Variants in GMDS observed in about 807,000 individuals in gnomAD.
The protein encoded by GMDS is GDP-mannose 4,6 dehydratase.
GMDS carries 20 observed loss-of-function variants against 49.9 expected under a neutral mutation model. The ratio of observed to expected loss-of-function variants is 0.40; its 90% CI spans 0.28 to 0.58. GMDS has a LOEUF of 0.58. Among genes scored for constraint, GMDS ranks in the 20% least tolerant of loss-of-function variants. The pLI is 0.42. For missense variants in GMDS, 362 were observed against 481.4 expected (o/e 0.75, Z 2.32); for synonymous variants, 177 against 178.6 (o/e 0.99, Z 0.07).
chr6:1,697,541 C>T (rs151274850), intron 9 of GMDS, among the ~76,000 whole-genome samples: 25 of 152,352 alleles, frequency 1.6e-4, no homozygotes, highest in Non-Finnish European at 2.5e-4. Context: ...AACCTTGGCG[C>T]GCTGCAGCCT....
chr6:2,199,094 T>C (rs551964450), intron 1 of GMDS, among the ~76,000 whole-genome samples: 1 of 152,354 alleles, frequency 6.6e-6, no homozygotes, highest in African/African-American at 2.4e-5. Context: ...AATTCCCTAA[T>C]TCATATTAAA....
intron 9 of GMDS, among the ~76,000 whole-genome samples, chr6:1,710,892 A>G (rs1227997307): frequency 1.3e-5 from 2 of 152,202 alleles, no homozygotes; most frequent in African/African-American, 4.8e-5. Context: ...GGGGTTGACT[A>G]CATATCGTCA....
chr6:1,916,665 G>A (rs1483737935), intron 7 of GMDS, among the ~76,000 whole-genome samples: 2 of 152,168 alleles, frequency 1.3e-5, no homozygotes, highest in Admixed American at 1.3e-4. Context: ...CCACTGGACT[G>A]CTAACATTTG....
chr6:2,135,504 T>C (rs535245475), intron 1 of GMDS, among the ~76,000 whole-genome samples: 8 of 151,906 alleles, frequency 5.3e-5, no homozygotes, highest in African/African-American at 1.7e-4. Context: ...CTATGCAACA[T>C]GACAGAGTAA....
chr6:2,097,293 G>C (rs1279207039), intron 4 of GMDS, among the ~76,000 whole-genome samples: 1 of 152,124 alleles, frequency 6.6e-6, no homozygotes, highest in Non-Finnish European at 1.5e-5. Flanking sequence ...TCTTGAGAGA[G>C]AGTAGAACAG....
chr6:1,971,100 A>C (rs1247509000), intron 4 of GMDS, among the ~76,000 whole-genome samples: 1 of 152,086 alleles, frequency 6.6e-6, no homozygotes, highest in Non-Finnish European at 1.5e-5. Flanking sequence ...TGCACCGGCA[A>C]TGTTTGGGGA....
At chr6:1,999,236 C>T (rs1581489775) in intron 4 of GMDS, among the ~76,000 whole-genome samples, 3 of 148,480 alleles carry the variant, frequency 2.0e-5, no homozygotes, top group African/African-American at 5.0e-5. Flanking sequence ...GCAGGAGAAT[C>T]GCTTGAACCA....
chr6:2,088,444 C>G (rs1773133442), intron 4 of GMDS, among the ~76,000 whole-genome samples: 1 of 152,122 alleles, frequency 6.6e-6, no homozygotes, highest in South Asian at 2.1e-4. Context: ...TATAATGAAC[C>G]ACCAGTGAAT....
At chr6:1,643,391 G>A (rs745691509) in intron 9 of GMDS, among the ~76,000 whole-genome samples, 10 of 152,178 alleles carry the variant, frequency 6.6e-5, no homozygotes, top group Non-Finnish European at 1.5e-4. Flanking sequence ...CTGAGCCCCC[G>A]AGGCTCTGTT....
chr6:2,127,935 GAACA>G (rs1230902253), intron 1 of GMDS, among the ~76,000 whole-genome samples: 1 of 152,204 alleles, frequency 6.6e-6, no homozygotes, highest in Non-Finnish European at 1.5e-5. Flanking sequence ...CTGAAACAAG[GAACA>G]AACAGACTAA....
rs914074189 is a variant in GMDS, at chr6:2,011,814, G to A, written c.346-50848C>T. ...GCGCATTACCTATAGTCCTGGCTAC[G>A]TGGGAGGCTGAGATGGGAAAACCCC... On this transcript the variant is annotated intron_variant, in intron 4 of 10. Coordinates refer to ENST00000380815, the MANE Select transcript of GMDS (RefSeq NM_001500.4). 5.3e-5 allele frequency among the ~76,000 whole-genome samples: 8 copies of A among 152,284 alleles called. No homozygotes were observed. The South Asian group carries it at 6.2e-4, about 12-fold the overall frequency.
chr6:2,131,801 CT>C (rs59213948), intron 1 of GMDS, among the ~76,000 whole-genome samples: 9,034 of 142,786 alleles, frequency 0.063, 518 homozygotes, highest in South Asian at 0.18. Context: ...ACTGGTTTTC[CT>C]TTTTTTTTTT....
At chr6:1,715,199 T>C (rs1485119789) in intron 9 of GMDS, among the ~76,000 whole-genome samples, 1 of 152,362 alleles carries the variant, frequency 6.6e-6, no homozygotes, top group East Asian at 1.9e-4. Context: ...AGGTTGGATA[T>C]ACAAGTGTAA....
At chr6:2,115,931 A>C in intron 3 of GMDS, 51 bp from the exon 4 acceptor site, 13 of 1,033,950 alleles carry the variant, frequency 1.3e-5, no homozygotes, top group Non-Finnish European at 1.5e-5. Flanking sequence ...ACATAAGCTC[A>C]ATTTTTAAAA....
At chr6:2,156,362 AC>A (rs980651156) in intron 1 of GMDS, among the ~76,000 whole-genome samples, 6 of 152,168 alleles carry the variant, frequency 3.9e-5, no homozygotes, top group African/African-American at 1.2e-4. Flanking sequence ...AGATGTTTTT[AC>A]TGAAAAAGGA....
At chr6:1,633,641 G>A (rs142137597) in intron 9 of GMDS, among the ~76,000 whole-genome samples, 1 of 152,228 alleles carries the variant, frequency 6.6e-6, no homozygotes, top group African/African-American at 2.4e-5. Flanking sequence ...GTCACAGAAA[G>A]ATCTGGGGTG....
chr6:1,691,250 A>G (rs552100376), intron 9 of GMDS, among the ~76,000 whole-genome samples: 9 of 152,286 alleles, frequency 5.9e-5, no homozygotes, highest in Non-Finnish European at 1.2e-4. Flanking sequence ...TCAGCAAACT[A>G]ATGCAGGAAC....
chr6:1,770,388 G>A (rs1177931301), intron 7 of GMDS, among the ~76,000 whole-genome samples: 1 of 152,248 alleles, frequency 6.6e-6, no homozygotes, highest in Admixed American at 6.5e-5. Context: ...GGCACTGTAC[G>A]TAAAGCTGTG....
chr6:2,127,032 C>T (rs1034011033), intron 1 of GMDS, among the ~76,000 whole-genome samples: 1 of 152,074 alleles, frequency 6.6e-6, no homozygotes, highest in African/African-American at 2.4e-5. Flanking sequence ...CTTTTTTAAT[C>T]CCATTCTTAC....
Sources: allele counts gnomAD v4.1 joint callset (sites outside exome capture counted in the v4.1 genomes callset), GRCh38; gene constraint gnomAD v4.1.1; transcripts MANE v1.5; gene names NCBI Gene and HGNC (gene_info 2026-07-23, HGNC 2026-07-21).